Variants in RAP1B observed in about 807,000 individuals in gnomAD.
RAP1B encodes RAP1B, member of RAS oncogene family.
RAP1B carries 1 observed loss-of-function variant against 27.5 expected under a neutral mutation model. That is an observed-to-expected ratio of 0.04 (90% CI 0.01 to 0.17). RAP1B has a LOEUF of 0.17. RAP1B is among the 10% of genes least tolerant of loss of function. The pLI is 1.00. For missense variants in RAP1B, 84 were observed against 214.8 expected, an observed-to-expected ratio of 0.39 and a Z score of 3.81; for synonymous variants, 75 against 73.1, an observed-to-expected ratio of 1.03 and a Z score of -0.13.
chr12:68,642,983 C>T (rs549570035), intron 1 of RAP1B: 488 of 809,604 alleles, frequency 6.0e-4, no homozygotes, highest in Non-Finnish European at 8.8e-4. Context: ...AGCAAGTTTT[C>T]GCCCAGCCAT....
rs994756599 is a variant in RAP1B, at chr12:68,663,006, A to G, written c.*3757A>G. On this transcript the variant is annotated 3_prime_UTR_variant, in exon 8 of 8. Coordinates refer to ENST00000250559, the MANE Select transcript of RAP1B (RefSeq NM_001010942.3). ...ACCCTGTCTTAGAAAAAAAAGATAA[A>G]TAAGTCTGTTCTATTTGTTACAGTG... The G allele has an allele frequency of 2.6e-5, 4 of 151,712 alleles. No homozygotes were observed. The highest frequency in any genetic ancestry group is 2.6e-4 in the Admixed American group (4 of 15,224). 9.4% of individuals were successfully genotyped at this position (151,712 alleles called of 1,614,324 possible).
chr12:68,650,308 A>G, intron 2 of RAP1B, 92 bp from the exon 3 acceptor site: 4 of 1,191,942 alleles, frequency 3.4e-6, no homozygotes, highest in Non-Finnish European at 4.5e-6. Flanking sequence ...TTGATGGTGT[A>G]ACTCCCTGTG....
chr12:68,654,326 C>G (rs112040286), intron 5 of RAP1B, 74 bp downstream of exon 5: 14 of 756,964 alleles, frequency 1.8e-5, no homozygotes, highest in African/African-American at 1.2e-4. Flanking sequence ...AATTTAAATT[C>G]ATTTTAAAGC....
chr12:68,653,190 CAG>C (rs1271479587), intron 4 of RAP1B, among the ~76,000 whole-genome samples: 2 of 152,108 alleles, frequency 1.3e-5, no homozygotes, highest in African/African-American at 4.8e-5. Context: ...GCTTGGGTGA[CAG>C]AGTGAGACTC....
At chr12:68,657,845 C>CACACA in intron 7 of RAP1B, 1 of 157,728 alleles carries the variant, frequency 6.3e-6, no homozygotes, top group South Asian at 1.8e-4. Context: ...CACACACACA[C>CACACA]CCCTGACATG....
chr12:68,657,030 TC>T, intron 6 of RAP1B, 70 bp from the exon 7 acceptor site: 1 of 1,301,334 alleles, frequency 7.7e-7, no homozygotes, highest in Non-Finnish European at 1.1e-6. Flanking sequence ...TTCTGTTTTT[TC>T]AATTTACTTT....
chr12:68,654,349 GT>G, intron 5 of RAP1B, 97 bp downstream of exon 5: 9 of 145,000 alleles, frequency 6.2e-5, no homozygotes, highest in Non-Finnish European at 1.1e-4. Flanking sequence ...GTGTATTTTG[GT>G]TGGGGGGGGG....
intron 7 of RAP1B, 90 bp downstream of exon 7, chr12:68,657,307 T>C (rs1375360012): frequency 1.3e-6 from 1 of 758,846 alleles, no homozygotes. Flanking sequence ...TTCTTTTTGT[T>C]GGTTCTGAAA....
At position 68,610,976 on chromosome 12, in the gene RAP1B, C is replaced by T; in HGVS notation, c.-94C>T. On this transcript the variant is annotated 5_prime_UTR_variant, in exon 1 of 8. Coordinates refer to ENST00000250559, the MANE Select transcript of RAP1B (RefSeq NM_001010942.3). ...CGGCAGCGGCAGGACCGCCGTGGCG[C>T]CTAGAGTAGCGACCCGGGGGGAGCG... The T allele has an allele frequency of 3.1e-6, 1 of 318,344 alleles. No individual in the cohort carries two copies. The highest frequency in any genetic ancestry group is 5.8e-6 in the Non-Finnish European group (1 of 173,762). The allele number at this position is 318,344 out of a possible 1,614,324, so 19.7% of individuals were successfully genotyped here. A position where few individuals can be genotyped will look rare whatever the true frequency, so the allele number is the denominator to read the frequency against.
At chr12:68,625,236 T>C (rs926954983) in intron 1 of RAP1B, among the ~76,000 whole-genome samples, 3 of 152,250 alleles carry the variant, frequency 2.0e-5, no homozygotes, top group African/African-American at 7.2e-5. Flanking sequence ...AAGTGTGGTG[T>C]GCCTTTCATT....
At chr12:68,622,138 T>G (rs1565657822) in intron 1 of RAP1B, among the ~76,000 whole-genome samples, 1 of 152,208 alleles carries the variant, frequency 6.6e-6, no homozygotes, top group Non-Finnish European at 1.5e-5. Flanking sequence ...ACAAGTTAAC[T>G]CCTCTCTTAG....
At chr12:68,644,923 C>G (rs989147996) in intron 1 of RAP1B, among the ~76,000 whole-genome samples, 1 of 151,866 alleles carries the variant, frequency 6.6e-6, no homozygotes, top group Non-Finnish European at 1.5e-5. Context: ...CCAGCCTGGT[C>G]CAGCTGGTCC....
intron 1 of RAP1B, among the ~76,000 whole-genome samples, chr12:68,634,288 TAAG>T (rs1872478214): frequency 6.6e-6 from 1 of 152,224 alleles, no homozygotes; most frequent in Non-Finnish European, 1.5e-5. Context: ...TTAAGAACTG[TAAG>T]AAGTAGATAC....
In RAP1B at chr12:68,667,510, T is replaced by G. The variant is rs1874906237; in HGVS notation, c.*8261T>G. The G allele has an allele frequency of 6.6e-6, 1 of 152,216 alleles. No individual in the cohort carries two copies. Among genetic ancestry groups the G allele is most frequent in the African/African-American group, 2.4e-5 (1 of 41,456 alleles). 9.4% of individuals were successfully genotyped at this position (152,216 alleles called of 1,614,324 possible). ...GGGGTTTTTATATGTGTTAGTACATTCAGCGTTAGGGTTGGGTTTCTTGTC... is the reference window on the plus strand; with the variant it reads ...GGGGTTTTTATATGTGTTAGTACATGCAGCGTTAGGGTTGGGTTTCTTGTC... On this transcript the variant is annotated 3_prime_UTR_variant, in exon 8 of 8. Coordinates refer to ENST00000250559, the MANE Select transcript of RAP1B (RefSeq NM_001010942.3).
At chr12:68,626,642 T>C (rs1445040562) in intron 1 of RAP1B, among the ~76,000 whole-genome samples, 3 of 152,144 alleles carry the variant, frequency 2.0e-5, no homozygotes, top group Non-Finnish European at 4.4e-5. Context: ...CCCTTTTCTG[T>C]ATTAAATTGG....
chr12:68,626,785 GTTGT>G (rs539507516), intron 1 of RAP1B: 15,142 of 1,200,000 alleles, frequency 0.013, 107 homozygotes, highest in South Asian at 0.023. Context: ...TTTTTTTTTT[GTTGT>G]TTGTTTGTTT....
intron 4 of RAP1B, among the ~76,000 whole-genome samples, chr12:68,653,042 T>C (rs1275966893): frequency 6.6e-6 from 1 of 151,684 alleles, no homozygotes; most frequent in South Asian, 2.1e-4. Flanking sequence ...GAAACCCGTC[T>C]CTATTAAAAT....
intron 1 of RAP1B, chr12:68,627,393 C>T (rs1871879999): frequency 3.3e-6 from 2 of 601,442 alleles, no homozygotes; most frequent in Admixed American, 2.6e-5. Flanking sequence ...TTTTTTAAAA[C>T]ACACAAATAT....
chr12:68,637,577 T>C (rs2920019), intron 1 of RAP1B, among the ~76,000 whole-genome samples: 121,039 of 138,040 alleles, frequency 0.88, 52,949 homozygotes, highest in Non-Finnish European at 0.91. Flanking sequence ...CCAGCCTGGG[T>C]GACAAGAGTA....
Sources: gnomAD v4.1 joint callset for allele counts (sites outside exome capture counted in the v4.1 genomes callset) on GRCh38, gnomAD v4.1.1 for gene constraint, MANE v1.5 for transcripts, NCBI Gene and HGNC (gene_info 2026-07-23, HGNC 2026-07-21) for gene names.